KHDRBS2: variants seen among roughly 807,000 people sequenced by gnomAD.
KHDRBS2 encodes the protein KH domain-containing, RNA-binding, signal transduction-associated protein 2.
Under a neutral mutation model 44.3 loss-of-function variants are expected in KHDRBS2, and 26 were observed. That is an observed-to-expected ratio of 0.59 (90% CI 0.43 to 0.81). The LOEUF is 0.81. Among genes scored for constraint, KHDRBS2 ranks in the 40% least tolerant of loss-of-function variants. The probability of loss-of-function intolerance (pLI) is 0.00; values close to 1 mark genes in which losing one functional copy is unlikely to be tolerated. For missense variants in KHDRBS2, 476 were observed against 433.1 expected, an observed-to-expected ratio of 1.10 and a Z score of -0.88; for synonymous variants, 194 against 151.1, an observed-to-expected ratio of 1.28 and a Z score of -2.08.
the KHDRBS2 span, among the ~76,000 whole-genome samples, chr6:61,644,578 C>A: frequency 6.6e-6 from 1 of 151,958 alleles, no homozygotes. Flanking sequence ...GTCTAATATC[C>A]AGAAATTACA....
chr6:62,053,734 C>A (rs999167920), intron 2 of KHDRBS2, among the ~76,000 whole-genome samples: 40 of 151,762 alleles, frequency 2.6e-4, no homozygotes, highest in Non-Finnish European at 5.2e-4. Context: ...TCAGCACCAA[C>A]GACTCAAACA....
intron 2 of KHDRBS2, among the ~76,000 whole-genome samples, chr6:62,134,367 T>C (rs954182067): frequency 1.3e-5 from 2 of 152,162 alleles, no homozygotes; most frequent in African/African-American, 4.8e-5. Context: ...AACTGAGGTT[T>C]GGGAACCTCT....
At chr6:61,676,453 G>A (rs1743236242), downstream of KHDRBS2, among the ~76,000 whole-genome samples, 1 of 151,724 alleles carries the variant, frequency 6.6e-6, no homozygotes, top group African/African-American at 2.4e-5. Flanking sequence ...TTCCTGGCTT[G>A]GATTTAAGTT....
intron 6 of KHDRBS2, among the ~76,000 whole-genome samples, chr6:61,773,779 C>A (rs899894148): frequency 1.3e-5 from 2 of 151,296 alleles, no homozygotes; most frequent in Non-Finnish European, 2.9e-5. Context: ...GGTTTTAGGT[C>A]TAATGTTTAA....
chr6:61,567,525 T>C, the KHDRBS2 span, among the ~76,000 whole-genome samples: 1 of 152,086 alleles, frequency 6.6e-6, no homozygotes, highest in East Asian at 1.9e-4. Flanking sequence ...CCTGTGGTCT[T>C]AGCTACTCTG....
chr6:61,593,933 C>A, the KHDRBS2 span, among the ~76,000 whole-genome samples: 1 of 152,112 alleles, frequency 6.6e-6, no homozygotes, highest in East Asian at 1.9e-4. Flanking sequence ...CACCTCAAAG[C>A]AGCCTGGTCA....
chr6:62,206,648 TA>T (rs1585202668), intron 1 of KHDRBS2, among the ~76,000 whole-genome samples: 1 of 152,084 alleles, frequency 6.6e-6, no homozygotes, highest in East Asian at 1.9e-4. Context: ...ATTTTGATAA[TA>T]CTAACATAAT....
intron 2 of KHDRBS2, among the ~76,000 whole-genome samples, chr6:62,104,964 A>C (rs1341306695): frequency 6.6e-6 from 1 of 152,128 alleles, no homozygotes; most frequent in Non-Finnish European, 1.5e-5. Flanking sequence ...TGACATCCTT[A>C]TAGATTCTAG....
intron 2 of KHDRBS2, among the ~76,000 whole-genome samples, chr6:62,066,196 C>G (rs1226131197): frequency 2.0e-5 from 3 of 151,630 alleles, no homozygotes; most frequent in Non-Finnish European, 4.4e-5. Context: ...AACTACAGCT[C>G]AAAAGCAAAC....
At chr6:61,619,691 T>A in the KHDRBS2 span, among the ~76,000 whole-genome samples, 3,718 of 152,212 alleles carry the variant, frequency 0.024, 70 homozygotes, top group Middle Eastern at 0.089. Context: ...TGACCTCAGG[T>A]GATCCACCTG....
intron 6 of KHDRBS2, among the ~76,000 whole-genome samples, chr6:61,733,434 A>G (rs912435193): frequency 1.2e-4 from 19 of 152,014 alleles, no homozygotes; most frequent in Admixed American, 1.2e-3. Context: ...CTACTAAAAA[A>G]TACAAAAAAA....
At chr6:61,939,667 C>A (rs986213936) in intron 4 of KHDRBS2, among the ~76,000 whole-genome samples, 3 of 152,138 alleles carry the variant, frequency 2.0e-5, no homozygotes, top group Admixed American at 6.6e-5. Context: ...CCTGCTTTTA[C>A]ATTTATAAAT....
At chr6:61,739,130 T>C (rs1446606298) in intron 6 of KHDRBS2, among the ~76,000 whole-genome samples, 11 of 151,910 alleles carry the variant, frequency 7.2e-5, no homozygotes. Flanking sequence ...TCTATAAACA[T>C]ATAACTTCAG....
chr6:61,611,333 T>C, the KHDRBS2 span, among the ~76,000 whole-genome samples: 2 of 152,178 alleles, frequency 1.3e-5, no homozygotes, highest in Non-Finnish European at 2.9e-5. Context: ...CCCAATCACC[T>C]TATGAAAAGC....
intron 6 of KHDRBS2, among the ~76,000 whole-genome samples, chr6:61,870,591 C>T (rs1798522701): frequency 6.6e-6 from 1 of 152,130 alleles, no homozygotes; most frequent in Non-Finnish European, 1.5e-5. Context: ...AGACACCTCC[C>T]AGGAGAGGCT....
the KHDRBS2 span, among the ~76,000 whole-genome samples, chr6:61,556,685 A>G: frequency 6.6e-6 from 1 of 152,028 alleles, no homozygotes; most frequent in Non-Finnish European, 1.5e-5. Flanking sequence ...AACCTAATTC[A>G]GCTTACAGCA....
intron 1 of KHDRBS2, among the ~76,000 whole-genome samples, chr6:62,210,224 CAG>C (rs1414041148): frequency 6.6e-6 from 1 of 151,544 alleles, no homozygotes; most frequent in African/African-American, 2.4e-5. Context: ...AGATGTTCCT[CAG>C]AACTCTCAGA....
At chr6:62,069,637 CAT>C (rs1350209643) in intron 2 of KHDRBS2, among the ~76,000 whole-genome samples, 1 of 151,692 alleles carries the variant, frequency 6.6e-6, no homozygotes, top group African/African-American at 2.4e-5. Flanking sequence ...AGTTGAGAGA[CAT>C]ATTGCTCATG....
At chr6:61,564,681 G>T in the KHDRBS2 span, among the ~76,000 whole-genome samples, 1 of 152,086 alleles carries the variant, frequency 6.6e-6, no homozygotes, top group African/African-American at 2.4e-5. Flanking sequence ...TAAGGACAGG[G>T]AGGCTGTGGA....
Sources: gnomAD v4.1 joint callset for allele counts (sites outside exome capture counted in the v4.1 genomes callset) on GRCh38, gnomAD v4.1.1 for gene constraint, MANE v1.5 for transcripts, NCBI Gene and HGNC (gene_info 2026-07-23, HGNC 2026-07-21) for gene names.